Variants in CAB39L observed in about 807,000 individuals in gnomAD.
The protein encoded by CAB39L is calcium-binding protein 39-like.
In CAB39L, 23 loss-of-function variants were observed where a neutral mutation model predicts 39.1. That is an observed-to-expected ratio of 0.59 (90% CI 0.42 to 0.83). The LOEUF is 0.83. CAB39L is among the 40% of genes least tolerant of loss of function. The pLI, the probability that CAB39L is intolerant of heterozygous loss-of-function variation, is 0.00. For synonymous variants in CAB39L, 126 were observed against 137.2 expected (o/e 0.92, Z 0.57); for missense variants, 366 against 391.9 (o/e 0.93, Z 0.56).
intron 3 of CAB39L, among the ~76,000 whole-genome samples, chr13:49,395,655 G>A (rs1956599352): frequency 6.6e-6 from 1 of 152,104 alleles, no homozygotes; most frequent in Non-Finnish European, 1.5e-5. Context: ...CTGCTCCCAG[G>A]GAACTCACAC....
intron 3 of CAB39L, among the ~76,000 whole-genome samples, chr13:49,402,375 T>C (rs1479574894): frequency 6.6e-6 from 1 of 152,146 alleles, no homozygotes; most frequent in East Asian, 1.9e-4. Flanking sequence ...TAGGATTCTT[T>C]GGAATTAGGA....
At chr13:49,400,068 A>G (rs748486093) in intron 3 of CAB39L, among the ~76,000 whole-genome samples, 5 of 152,098 alleles carry the variant, frequency 3.3e-5, no homozygotes, top group Non-Finnish European at 5.9e-5. Context: ...TTTATGGTCT[A>G]TCTAGGGTAC....
chr13:49,398,553 G>A (rs755291892), intron 3 of CAB39L, among the ~76,000 whole-genome samples: 3 of 151,952 alleles, frequency 2.0e-5, no homozygotes, highest in Middle Eastern at 3.4e-3. Context: ...TTTTACATAA[G>A]ATTTACAATA....
intron 3 of CAB39L, among the ~76,000 whole-genome samples, chr13:49,430,583 A>C (rs899483763): frequency 1.3e-5 from 2 of 152,120 alleles, no homozygotes; most frequent in Non-Finnish European, 2.9e-5. Flanking sequence ...AATCATTTTC[A>C]AGAGTTTTTT....
At chr13:49,398,495 T>C (rs61950815) in intron 3 of CAB39L, among the ~76,000 whole-genome samples, 20,681 of 152,012 alleles carry the variant, frequency 0.14, 1,563 homozygotes, top group Middle Eastern at 0.2. Flanking sequence ...AGTAAATACT[T>C]GTTAAGAACC....
intron 3 of CAB39L, among the ~76,000 whole-genome samples, chr13:49,409,475 C>G (rs1956945991): frequency 6.8e-6 from 1 of 147,178 alleles, no homozygotes; most frequent in African/African-American, 2.5e-5. Flanking sequence ...AACCTTTCAA[C>G]TCTTGGTAGA....
At chr13:49,366,244 A>C (rs1955766322) in intron 5 of CAB39L, among the ~76,000 whole-genome samples, 1 of 152,120 alleles carries the variant, frequency 6.6e-6, no homozygotes, top group Non-Finnish European at 1.5e-5. Context: ...ATCTAGTAAC[A>C]CCAAGGATAA....
chr13:49,415,522 GAA>G (rs59889553), intron 3 of CAB39L, among the ~76,000 whole-genome samples: 81,266 of 148,976 alleles, frequency 0.55, 22,063 homozygotes, highest in South Asian at 0.64. Context: ...CTCTGTCTTG[GAA>G]AAAAAAAAAA....
rs141697052 is a variant in CAB39L at position 49,399,180 on chromosome 13, G to A, written c.-31-16239C>T. Among the ~76,000 whole-genome samples, 223 of 152,034 alleles carry A rather than the reference G, an allele frequency of 1.5e-3. 2 individuals are homozygous for A. The highest frequency in any genetic ancestry group is 3.9e-3 in the Admixed American group (60 of 15,254). ...GTCCTCATGCAATAACTATTATCAGGTACCTACTATGTGCCACACACTGGG... is the reference window on the plus strand; with the variant it reads ...GTCCTCATGCAATAACTATTATCAGATACCTACTATGTGCCACACACTGGG... On this transcript the variant is annotated intron_variant, in intron 3 of 10. Transcript: ENST00000409308.
At chr13:49,382,096 C>T (rs542010556) in intron 4 of CAB39L, among the ~76,000 whole-genome samples, 10 of 152,166 alleles carry the variant, frequency 6.6e-5, no homozygotes, top group Middle Eastern at 3.4e-3. Flanking sequence ...TGGCCTTTTC[C>T]TAGTTACTAA....
chr13:49,334,981 A>G (rs1027587297), intron 9 of CAB39L, among the ~76,000 whole-genome samples: 2 of 152,168 alleles, frequency 1.3e-5, no homozygotes, highest in Non-Finnish European at 2.9e-5. Flanking sequence ...TCTCTCTGAC[A>G]AGCAAATAGT....
At chr13:49,370,053 G>C (rs909350888) in intron 5 of CAB39L, among the ~76,000 whole-genome samples, 6 of 152,146 alleles carry the variant, frequency 3.9e-5, no homozygotes, top group Non-Finnish European at 8.8e-5. Flanking sequence ...TGTTGCGGGG[G>C]AGTTGAGGTG....
At position 49,363,887 on chromosome 13, in the gene CAB39L, C is replaced by T. The variant is rs563384918; in HGVS notation, c.277-4055G>A. 2.2e-3 allele frequency among the ~76,000 whole-genome samples: 292 copies of T among 133,120 alleles called. 2 individuals are homozygous for T. The highest frequency in any genetic ancestry group is 7.6e-3 in the African/African-American group (277 of 36,666). The allele number at this position is 133,120 out of a possible 152,430, so 87.3% of individuals were successfully genotyped here. On this transcript the variant is annotated intron_variant, in intron 5 of 10. Transcript: ENST00000409308. The stretch of plus-strand genomic sequence containing the variant: ...AATGGCTGAATGGATGAAAAAAAAA[C>T]AAGACCCAAATGATCTGCTGCCTAC...
chr13:49,334,729 G>C (rs1954804125), intron 9 of CAB39L, among the ~76,000 whole-genome samples: 1 of 152,136 alleles, frequency 6.6e-6, no homozygotes, highest in Non-Finnish European at 1.5e-5. Context: ...CACATATCCA[G>C]AGCACAATAC....
chr13:49,398,558 A>G (rs568842112), intron 3 of CAB39L, among the ~76,000 whole-genome samples: 4 of 152,234 alleles, frequency 2.6e-5, no homozygotes, highest in Non-Finnish European at 5.9e-5. Flanking sequence ...CATAAGATTT[A>G]CAATAGACTA....
At chr13:49,440,319 T>A (rs934879048) in intron 1 of CAB39L, among the ~76,000 whole-genome samples, 1 of 152,170 alleles carries the variant, frequency 6.6e-6, no homozygotes, top group Non-Finnish European at 1.5e-5. Context: ...CTTATACACA[T>A]GGCTAGCCAG....
At chr13:49,430,884 T>C (rs1370824982) in intron 3 of CAB39L, among the ~76,000 whole-genome samples, 1 of 152,254 alleles carries the variant, frequency 6.6e-6, no homozygotes, top group East Asian at 1.9e-4. Context: ...AGAATTGCAC[T>C]GAAAGGCTTA....
At chr13:49,421,049 C>G (rs189404998) in intron 3 of CAB39L, among the ~76,000 whole-genome samples, 1 of 152,056 alleles carries the variant, frequency 6.6e-6, no homozygotes, top group Non-Finnish European at 1.5e-5. Context: ...GGTGGAGAGA[C>G]GACAAACTGG....
chr13:49,346,058 C>CAT (rs6145048), intron 7 of CAB39L, among the ~76,000 whole-genome samples: 22 of 66,430 alleles, frequency 3.3e-4, no homozygotes, highest in East Asian at 7.0e-4. Context: ...ATTCCTCCAG[C>CAT]ATATATATAT....
Sources: gnomAD v4.1 joint callset for allele counts (sites outside exome capture counted in the v4.1 genomes callset) on GRCh38, gnomAD v4.1.1 for gene constraint, MANE v1.5 for transcripts, NCBI Gene and HGNC (gene_info 2026-07-23, HGNC 2026-07-21) for gene names.